Variants in USP25 observed in about 807,000 individuals in gnomAD.
USP25 encodes ubiquitin carboxyl-terminal hydrolase 25.
Under a neutral mutation model 158.5 loss-of-function variants are expected in USP25, and 85 were observed. The observed-to-expected ratio is 0.54, with a 90% confidence interval of 0.45 to 0.64. The LOEUF is 0.64. Ranked by LOEUF, USP25 falls within the 30% of genes least tolerant of loss-of-function variation. The pLI is 0.00. For synonymous variants in USP25, 464 were observed against 460.4 expected (o/e 1.01, Z -0.10); for missense variants, 1,242 against 1,327.3 (o/e 0.94, Z 1.00).
At chr21:15,854,611 CTTTTTAATACTCTGAATG>C (rs2039048140) in intron 20 of USP25, among the ~76,000 whole-genome samples, 1 of 152,072 alleles carries the variant, frequency 6.6e-6, no homozygotes, top group Non-Finnish European at 1.5e-5. Flanking sequence ...ATTAGACCAA[CTTTTTAATACTCTGAATG>C]TTTGCTAGTG....
intron 1 of USP25, 73 bp downstream of exon 1, chr21:15,730,511 C>T (rs969182245): frequency 1.9e-5 from 24 of 1,279,502 alleles, no homozygotes; most frequent in Non-Finnish European, 2.3e-5. Context: ...TGCGGCCGGG[C>T]GCCCCGGCCT....
chr21:15,832,672 G>C (rs1229197934), intron 16 of USP25, among the ~76,000 whole-genome samples: 1 of 151,938 alleles, frequency 6.6e-6, no homozygotes, highest in African/African-American at 2.4e-5. Context: ...CAAACATCTG[G>C]TATTTTCCAA....
At chr21:15,866,571 T>A (rs1292722114) in intron 22 of USP25, among the ~76,000 whole-genome samples, 1 of 152,136 alleles carries the variant, frequency 6.6e-6, no homozygotes, top group African/African-American at 2.4e-5. Context: ...AAGGAAGATT[T>A]TTGGTTTTTT....
chr21:15,736,667 G>A (rs1443611717), intron 1 of USP25, among the ~76,000 whole-genome samples: 4 of 149,406 alleles, frequency 2.7e-5, no homozygotes, highest in South Asian at 2.1e-4. Flanking sequence ...AGCTTTTTTC[G>A]GTAACATAAA....
intron 19 of USP25, 91 bp downstream of exon 19, chr21:15,847,867 T>C (rs1967134613): frequency 2.8e-6 from 2 of 720,700 alleles, no homozygotes; most frequent in Non-Finnish European, 4.6e-6. Context: ...ATACTTAATG[T>C]CTATTGCCAC....
intron 11 of USP25, 67 bp from the exon 12 acceptor site, chr21:15,824,899 G>A: frequency 7.6e-7 from 1 of 1,309,022 alleles, no homozygotes; most frequent in Non-Finnish European, 1.1e-6. Context: ...GGGTACGCTG[G>A]CATCTGGCCA....
rs1568856885 is a variant in USP25, at chr21:15,826,808, T to C, written c.1467-169T>C. ...GCTACAACTTCATCTTATAATAATT[T>C]AGTTCTTATGTATTAAAAATCTCAT... is the stretch of plus-strand genomic sequence containing the variant. On this transcript the variant is annotated intron_variant, in intron 13 of 25. Coordinates refer to ENST00000400183, the MANE Select transcript of USP25 (RefSeq NM_001283041.3). This position sits in a 1 kb window ranked among gnomAD's most constrained non-coding sequence, Gnocchi z 4.8. Among the ~76,000 whole-genome samples, 1 of 152,368 alleles carries C rather than the reference T, an allele frequency of 6.6e-6. No homozygotes were observed. The highest frequency in any genetic ancestry group is 1.9e-4 in the East Asian group (1 of 5,188).
intron 25 of USP25, 43 bp from the exon 26 acceptor site, chr21:15,878,260 A>T: frequency 6.3e-7 from 1 of 1,582,042 alleles, no homozygotes; most frequent in Non-Finnish European, 8.6e-7. Flanking sequence ...TGATCGTGTA[A>T]TAATTTCTAT....
chr21:15,843,146 GT>G lies in USP25; in HGVS notation c.2337+609del, dbSNP rs11334035. ...CTTTTTATAGCGGTAAATTGAGCAT[GT>G]TTGGTGTTATACTGTGTTATCAGTG... On this transcript the variant is annotated intron_variant, in intron 18 of 25. Transcript: ENST00000400183. The surrounding 1 kb of genome is among the most constrained non-coding windows in gnomAD (Gnocchi z 4.0). Among the ~76,000 whole-genome samples the G allele has an allele frequency of 0.2, 30,869 of 152,048 alleles. 4,919 individuals carry two copies. The highest frequency in any genetic ancestry group is 0.45 in the African/African-American group (18,662 of 41,436).
At chr21:15,819,480 A>G (rs1320995970) in intron 10 of USP25, among the ~76,000 whole-genome samples, 1 of 152,176 alleles carries the variant, frequency 6.6e-6, no homozygotes, top group African/African-American at 2.4e-5. Flanking sequence ...AGCAAAGGAC[A>G]TACGTGCTTC....
chr21:15,762,752 A>G (rs2033806897), intron 1 of USP25, 139 bp from the exon 2 acceptor site: 1 of 663,972 alleles, frequency 1.5e-6, no homozygotes. Flanking sequence ...GCCTTTCTCA[A>G]GTTCTTTTTC....
chr21:15,763,371 C>T (rs1381535479), intron 2 of USP25, among the ~76,000 whole-genome samples: 1 of 152,142 alleles, frequency 6.6e-6, no homozygotes, highest in Non-Finnish European at 1.5e-5. Context: ...TGAAAACTTA[C>T]ATTTTTCTTC....
chr21:15,794,989 T>G (rs953523295), intron 5 of USP25, among the ~76,000 whole-genome samples: 2 of 151,680 alleles, frequency 1.3e-5, no homozygotes, highest in African/African-American at 4.8e-5. Context: ...TGCTTATTCA[T>G]ACTCCTTGCT....
In USP25 at chr21:15,826,907, GT is replaced by G. The variant is rs1395290232; in HGVS notation, c.1467-67del. On this transcript the variant is annotated intron_variant, in intron 13 of 25. Coordinates refer to ENST00000400183, the MANE Select transcript of USP25 (RefSeq NM_001283041.3). The surrounding 1 kb of genome is among the most constrained non-coding windows in gnomAD (Gnocchi z 4.8). ...ATTACAAGCCAATTTAATACTGTGG[GT>G]TTGGCACGATCTTTGTCAAGAGTTT... 2 of 1,520,266 alleles carry G rather than the reference GT, an allele frequency of 1.3e-6. No homozygotes were observed. The highest frequency in any genetic ancestry group is 1.8e-6 in the Non-Finnish European group (2 of 1,110,400). 94.2% of individuals were successfully genotyped at this position (1,520,266 alleles called of 1,614,324 possible). A position where few individuals can be genotyped will look rare whatever the true frequency, so the allele number is the denominator to read the frequency against.
intron 20 of USP25, 110 bp from the exon 21 acceptor site, chr21:15,864,158 C>CAAAA: frequency 1.1e-6 from 1 of 932,096 alleles, no homozygotes; most frequent in Non-Finnish European, 1.5e-6. Flanking sequence ...CTTTAAAAGC[C>CAAAA]AAAAAAAAAA....
chr21:15,774,070 T>C (rs1403036754), intron 3 of USP25, among the ~76,000 whole-genome samples: 2 of 152,202 alleles, frequency 1.3e-5, no homozygotes, highest in Admixed American at 1.3e-4. Flanking sequence ...TAATGGATAT[T>C]CTTTTTAATG....
chr21:15,779,831 A>G (rs139096332), intron 4 of USP25, among the ~76,000 whole-genome samples: 359 of 152,202 alleles, frequency 2.4e-3, no homozygotes, highest in African/African-American at 8.2e-3. Flanking sequence ...GTAACATGCC[A>G]TAAAGCTATG....
At chr21:15,767,045 C>T (rs1174385518) in intron 3 of USP25, among the ~76,000 whole-genome samples, 1 of 152,048 alleles carries the variant, frequency 6.6e-6, no homozygotes, top group Non-Finnish European at 1.5e-5. Flanking sequence ...AACTAGAATA[C>T]TCCTGTCTCA....
At chr21:15,809,435 T>C (rs1363960158) in intron 8 of USP25, among the ~76,000 whole-genome samples, 1 of 151,992 alleles carries the variant, frequency 6.6e-6, no homozygotes, top group African/African-American at 2.4e-5. Flanking sequence ...CTCACACTAA[T>C]TAGGATGGCG....
Sources: allele counts gnomAD v4.1 joint callset (sites outside exome capture counted in the v4.1 genomes callset), GRCh38; gene constraint gnomAD v4.1.1; non-coding constraint Gnocchi (gnomAD v3.1); transcripts MANE v1.5; gene names NCBI Gene and HGNC (gene_info 2026-07-23, HGNC 2026-07-21).